ZNF41: variants seen among roughly 807,000 people sequenced by gnomAD.
The protein encoded by ZNF41 is zinc finger protein 41.
A neutral mutation model predicts 9.3 loss-of-function variants in ZNF41; 6 were observed. The ratio of observed to expected loss-of-function variants is 0.65; its 90% CI spans 0.35 to 1.28. The LOEUF (loss-of-function observed/expected upper bound fraction) is 1.28, where lower values mean the gene tolerates loss of function less well. Among genes scored for constraint, ZNF41 ranks in the 50% most tolerant of loss-of-function variants. The pLI, the probability that ZNF41 is intolerant of heterozygous loss-of-function variation, is 0.03. For missense variants in ZNF41, 523 were observed against 585.8 expected (o/e 0.89, Z 1.11); for synonymous variants, 192 against 207.1 (o/e 0.93, Z 0.63).
At chrX:47,450,534 A>G (rs2056325179) in intron 4 of ZNF41, among the ~76,000 whole-genome samples, 1 of 111,397 alleles carries the variant, frequency 9.0e-6, no homozygotes, top group African/African-American at 3.3e-5. Context: ...TATTGGTTCC[A>G]GGAATACATG....
Position 47,448,643 on chromosome X carries a change from A to G in ZNF41, c.1127T>C (p.Ile376Thr). Residue 376 changes from isoleucine (I) to threonine (T), a missense_variant, in exon 5 of 5, where the codon ATT becomes ACT. Physicochemically the swap from Ile to Thr is moderately conservative, Grantham distance 89 (BLOSUM62 -1). Coordinates refer to ENST00000684689, the MANE Select transcript of ZNF41 (RefSeq NM_001324144.2). ...TTCATAAGGTTTTTCTCCTGTATGA[A>G]TTCTCAGATGTCTAAAGAGGTCTGA... is the stretch of plus-strand genomic sequence containing the variant. ...QRSDLFRHLRIHTGEKPYECS... is the reference protein window; with the variant it reads ...QRSDLFRHLRTHTGEKPYECS... 1.7e-6 allele frequency: 2 copies of G among 1,211,781 alleles called. No homozygotes were observed. The highest frequency in any genetic ancestry group is 2.2e-6 in the Non-Finnish European group (2 of 895,561).
At chrX:47,456,488 C>T (rs770703000) in intron 2 of ZNF41, 90 bp from the exon 3 acceptor site, 1 of 1,141,463 alleles carries the variant, frequency 8.8e-7, no homozygotes, top group African/African-American at 1.8e-5. Flanking sequence ...TGCTTTTTAC[C>T]ATAATGTATC....
intron 1 of ZNF41, among the ~76,000 whole-genome samples, chrX:47,478,235 G>T (rs1381922384): frequency 8.9e-6 from 1 of 112,403 alleles, no homozygotes; most frequent in African/African-American, 3.2e-5. Flanking sequence ...GCCACATGCG[G>T]TGGCTCACAC....
In ZNF41 at chrX:47,475,297, C is replaced by T. The variant is rs1313835479; in HGVS notation, c.-279-7537G>A. Among the ~76,000 whole-genome samples the T allele has an allele frequency of 2.7e-5, 3 of 110,077 alleles. No homozygotes were observed. The Admixed American group carries it at 3.0e-4, about 11-fold the overall frequency. On this transcript the variant is annotated intron_variant, in intron 1 of 4. Coordinates refer to ENST00000684689, the MANE Select transcript of ZNF41 (RefSeq NM_001324144.2). ...AGCATTATGCACAGATGCACAAAAA[C>T]ATAACATCTCTAGCAAACATACACT... is the stretch of plus-strand genomic sequence containing the variant.
At chrX:47,466,298 G>A (rs776792915) in intron 2 of ZNF41, among the ~76,000 whole-genome samples, 36 of 111,400 alleles carry the variant, frequency 3.2e-4, no homozygotes, top group Non-Finnish European at 5.5e-4. Flanking sequence ...TCCACAGGTA[G>A]GTCTGAAAGG....
chrX:47,475,137 A>G (rs2057301908), intron 1 of ZNF41, among the ~76,000 whole-genome samples: 1 of 108,474 alleles, frequency 9.2e-6, no homozygotes, highest in African/African-American at 3.3e-5. Context: ...AACCCTGATC[A>G]AGGTAAAAGA....
chrX:47,459,612 C>A (rs1405185736), intron 2 of ZNF41, among the ~76,000 whole-genome samples: 1 of 107,213 alleles, frequency 9.3e-6, no homozygotes, highest in Non-Finnish European at 1.9e-5. Flanking sequence ...GGCATGGTTG[C>A]GTGTGCCTGT....
At chrX:47,455,881 G>A (rs751224045) in intron 4 of ZNF41, 40 bp downstream of exon 4, 17 of 1,139,700 alleles carry the variant, frequency 1.5e-5, no homozygotes, top group Non-Finnish European at 1.9e-5. Context: ...AAGTGATACT[G>A]ACTTCCATGT....
Position 47,449,330 on chromosome X carries a change from C to T in ZNF41, c.440G>A (p.Arg147His), listed in dbSNP as rs372311823. Residue 147 changes from arginine (R) to histidine (H), a missense_variant, in exon 5 of 5, where the codon CGT becomes CAT. Physicochemically the swap from Arg to His is conservative, Grantham distance 29. Transcript: ENST00000684689. ...LWQDNDQLEQ[R>H]QENQNNLLSH... ...TAAAAGGTTATTCTGGTTTTCCTGA[C>T]GTTGCTCTAGCTGGTCATTATCTTG... 7.4e-6 allele frequency: 9 copies of T among 1,209,520 alleles called. No individual in the cohort carries two copies. Among genetic ancestry groups the T allele is most frequent in the African/African-American group, 3.5e-5 (2 of 57,045 alleles).
intron 1 of ZNF41, among the ~76,000 whole-genome samples, chrX:47,473,376 TC>T (rs1341509247): frequency 9.0e-6 from 1 of 111,515 alleles, no homozygotes; most frequent in Admixed American, 9.6e-5. Flanking sequence ...TGAAAGAAGA[TC>T]TGAAAATACA....
chrX:47,457,287 G>A (rs760272346), intron 2 of ZNF41, among the ~76,000 whole-genome samples: 10 of 110,854 alleles, frequency 9.0e-5, no homozygotes, highest in East Asian at 5.7e-4. Flanking sequence ...GCGCACGCCC[G>A]TAATCCCAGC....
At chrX:47,453,717 T>G (rs1000531967) in intron 4 of ZNF41, among the ~76,000 whole-genome samples, 1 of 111,927 alleles carries the variant, frequency 8.9e-6, no homozygotes, top group Non-Finnish European at 1.9e-5. Flanking sequence ...TATGAACTAG[T>G]AAAAACAATG....
At chrX:47,457,208 G>A (rs1267151909) in intron 2 of ZNF41, among the ~76,000 whole-genome samples, 5 of 111,089 alleles carry the variant, frequency 4.5e-5, no homozygotes, top group African/African-American at 6.5e-5. Flanking sequence ...TCAGGAGTTC[G>A]AGACCAGCCT....
At position 47,449,417 on chromosome X, in the gene ZNF41, C is replaced by T. The variant is rs750875263; in HGVS notation, c.353G>A (p.Cys118Tyr). ...QGIPGGIFFHCERFDQPIGED... is the reference protein window; with the variant it reads ...QGIPGGIFFHYERFDQPIGED... ...TCCTATGGGTTGATCAAATCTCTCA[C>T]AGTGGAAGAAAATTCCTCCAGGAAT... The change falls in exon 5 of 5, where the codon TGT (cysteine) becomes TAT (tyrosine). Residue 118 changes from cysteine to tyrosine, a missense_variant. Physicochemically the swap from Cys to Tyr is radical, Grantham distance 194. Coordinates refer to ENST00000684689, the MANE Select transcript of ZNF41 (RefSeq NM_001324144.2). The T allele has an allele frequency of 8.3e-7, 1 of 1,210,244 alleles. No homozygotes were observed. The highest frequency in any genetic ancestry group is 1.1e-6 in the Non-Finnish European group (1 of 894,544).
chrX:47,465,129 C>T (rs2056942196), intron 2 of ZNF41, among the ~76,000 whole-genome samples: 1 of 112,636 alleles, frequency 8.9e-6, no homozygotes, highest in Non-Finnish European at 1.9e-5. Context: ...AAGTGATCTG[C>T]CCGCCTTGGC....
intron 2 of ZNF41, among the ~76,000 whole-genome samples, chrX:47,457,984 G>A (rs1002985079): frequency 5.3e-5 from 6 of 112,330 alleles, no homozygotes; most frequent in Non-Finnish European, 1.1e-4. Context: ...TATACTGAGA[G>A]GGGCTAGTAG....
intron 4 of ZNF41, among the ~76,000 whole-genome samples, chrX:47,451,354 GT>G (rs2056356361): frequency 8.9e-6 from 1 of 112,278 alleles, no homozygotes; most frequent in African/African-American, 3.2e-5. Flanking sequence ...GGTTATCAAT[GT>G]TTTGCCTCTC....
intron 4 of ZNF41, among the ~76,000 whole-genome samples, chrX:47,455,289 T>TAA (rs35534485): frequency 1.9e-4 from 15 of 80,371 alleles, no homozygotes; most frequent in African/African-American, 4.5e-4. Flanking sequence ...AAATTAAAAT[T>TAA]AAAAAAAAAA....
chrX:47,472,674 T>C (rs144100702), intron 1 of ZNF41, among the ~76,000 whole-genome samples: 2,395 of 110,240 alleles, frequency 0.022, 42 homozygotes, highest in Non-Finnish European at 0.033. Context: ...CCTGACCCCA[T>C]GATCTGAGTG....
Sources: gnomAD v4.1 joint callset for allele counts (sites outside exome capture counted in the v4.1 genomes callset) on GRCh38, gnomAD v4.1.1 for gene constraint, MANE v1.5 for transcripts, NCBI Gene and HGNC (gene_info 2026-07-23, HGNC 2026-07-21) for gene names.